SANBR: variants seen among roughly 807,000 people sequenced by gnomAD.
The protein encoded by SANBR is SANT and BTB domain regulator of CSR, also known as SANT and BTB domain regulator of class switch recombination.
SANBR carries 77 observed loss-of-function variants against 101.8 expected under a neutral mutation model. That is an observed-to-expected ratio of 0.76 (90% CI 0.63 to 0.91). The LOEUF (loss-of-function observed/expected upper bound fraction) is 0.91. Among genes scored for constraint, SANBR ranks in the 40% least tolerant of loss-of-function variants. SANBR has a pLI of 0.00. For missense variants in SANBR, 875 were observed against 853.0 expected (o/e 1.03, Z -0.32); for synonymous variants, 279 against 274.7 (o/e 1.02, Z -0.15).
intron 11 of SANBR, 116 bp downstream of exon 11, chr2:61,092,703 T>C (rs1342727078): frequency 4.7e-6 from 4 of 847,820 alleles, no homozygotes; most frequent in Non-Finnish European, 6.7e-6. Flanking sequence ...AACATCTTTT[T>C]AAAGAAACTA....
intron 8 of SANBR, among the ~76,000 whole-genome samples, chr2:61,086,047 A>T (rs916436757): frequency 5.9e-5 from 9 of 152,218 alleles, no homozygotes; most frequent in Non-Finnish European, 1.2e-4. Context: ...TTTTAATAAT[A>T]GTGTGTCTTT....
intron 12 of SANBR, among the ~76,000 whole-genome samples, chr2:61,099,482 A>G (rs2104920443): frequency 6.6e-6 from 1 of 152,322 alleles, no homozygotes; most frequent in East Asian, 1.9e-4. Context: ...GGTGCCATTC[A>G]CTGAAGAGGA....
chr2:61,104,270 C>T (rs13424209), intron 13 of SANBR, among the ~76,000 whole-genome samples: 4,946 of 152,106 alleles, frequency 0.033, 268 homozygotes, highest in African/African-American at 0.11. Flanking sequence ...ATCACGAGGT[C>T]AGGAGATCGA....
intron 11 of SANBR, among the ~76,000 whole-genome samples, chr2:61,096,152 ACTTC>A (rs145046772): frequency 0.014 from 2,059 of 151,856 alleles, 48 homozygotes; most frequent in African/African-American, 0.047. Flanking sequence ...CCCAACACCC[ACTTC>A]CTTCCTTTCT....
intron 6 of SANBR, among the ~76,000 whole-genome samples, chr2:61,078,897 GGC>G (rs1261689316): frequency 6.6e-6 from 1 of 151,826 alleles, no homozygotes; most frequent in African/African-American, 2.4e-5. Context: ...AAATTAGCTG[GGC>G]GTGGTGGCAC....
chr2:61,072,820 A>AATTTTTTTTTT (rs1435131296), intron 4 of SANBR, among the ~76,000 whole-genome samples: 1 of 21,868 alleles, frequency 4.6e-5, no homozygotes, highest in Non-Finnish European at 9.2e-5. Flanking sequence ...CTCTCATGTT[A>AATTTTTTTTTT]CTTTTTTTTT....
At chr2:61,113,827 G>A (rs181522192) in intron 16 of SANBR, among the ~76,000 whole-genome samples, 1 of 152,230 alleles carries the variant, frequency 6.6e-6, no homozygotes, top group African/African-American at 2.4e-5. Flanking sequence ...TTGTCTGATG[G>A]GGAAAACATC....
intron 5 of SANBR, among the ~76,000 whole-genome samples, chr2:61,076,196 T>C (rs1322611616): frequency 2.0e-5 from 3 of 148,084 alleles, no homozygotes; most frequent in Non-Finnish European, 4.5e-5. Context: ...GGTTTCACCA[T>C]GTTAGCCAAG....
chr2:61,083,014 C>T, intron 7 of SANBR, 140 bp from the exon 8 acceptor site: 2 of 651,146 alleles, frequency 3.1e-6, no homozygotes, highest in Non-Finnish European at 5.3e-6. Flanking sequence ...CAGATTAAGT[C>T]AAAAACTGGG....
rs913071021 is a variant in SANBR, at chr2:61,124,087, T to A, written c.*1925T>A. The A allele has an allele frequency of 1.1e-6, 1 of 893,666 alleles. No individual in the cohort carries two copies. The highest frequency in any genetic ancestry group is 1.8e-5 in the African/African-American group (1 of 55,442). The allele number at this position is 893,666 out of a possible 1,614,324, so 55.4% of individuals were successfully genotyped here. ...CCTAGCCTGGGTGACAGAGCAAGACTCCATCTCAATTTAAAACAAAAAAAG... is the reference window on the plus strand; with the variant it reads ...CCTAGCCTGGGTGACAGAGCAAGACACCATCTCAATTTAAAACAAAAAAAG... On this transcript the variant is annotated 3_prime_UTR_variant, in exon 22 of 22. Transcript: ENST00000402291.
intron 20 of SANBR, among the ~76,000 whole-genome samples, chr2:61,131,060 T>C (rs1684675786): frequency 6.6e-6 from 1 of 151,400 alleles, no homozygotes; most frequent in Non-Finnish European, 1.5e-5. Context: ...TTCCTCAACT[T>C]GATAAAGGAC....
chr2:61,077,822 A>G (rs1681875545), intron 6 of SANBR, among the ~76,000 whole-genome samples: 1 of 152,130 alleles, frequency 6.6e-6, no homozygotes. Flanking sequence ...ATTGAAGACC[A>G]TTTTTACTTG....
chr2:61,106,812 A>G (rs1309693274), intron 14 of SANBR, 150 bp downstream of exon 14: 5 of 501,004 alleles, frequency 1.0e-5, no homozygotes, highest in Non-Finnish European at 1.7e-5. Context: ...TCTAAGGGCA[A>G]TAGGACACAT....
At chr2:61,134,391 A>T (rs920603070) in intron 21 of SANBR, 3 of 1,037,218 alleles carry the variant, frequency 2.9e-6, no homozygotes, top group Admixed American at 5.6e-5. Context: ...CCCCACCTAG[A>T]TGGTTGCCTT....
At chr2:61,118,564 T>TG (rs1684190158) in intron 20 of SANBR, among the ~76,000 whole-genome samples, 1 of 140,746 alleles carries the variant, frequency 7.1e-6, no homozygotes, top group African/African-American at 2.8e-5. Context: ...GGTTTTTTGT[T>TG]GGTTTTTTTT....
intron 21 of SANBR, among the ~76,000 whole-genome samples, chr2:61,135,388 T>G (rs1437421868): frequency 6.6e-6 from 1 of 152,230 alleles, no homozygotes; most frequent in Non-Finnish European, 1.5e-5. Flanking sequence ...CTCTTCCCAG[T>G]AAGTGATGGA....
intron 20 of SANBR, among the ~76,000 whole-genome samples, chr2:61,131,459 C>T (rs1321949475): frequency 6.6e-6 from 1 of 151,878 alleles, no homozygotes; most frequent in Non-Finnish European, 1.5e-5. Context: ...AAATTAAAGG[C>T]CTAATGATAA....
rs70959893 is a variant in SANBR at position 61,072,821 on chromosome 2, C to CTTTTTTTTTT, written c.338-617_338-608dup. Among the ~76,000 whole-genome samples, 164 of 31,658 alleles carry CTTTTTTTTTT rather than the reference C, an allele frequency of 5.2e-3. 17 individuals carry two copies. Among genetic ancestry groups the CTTTTTTTTTT allele is most frequent in the East Asian group, 0.018 (10 of 556 alleles). 20.8% of individuals were successfully genotyped at this position (31,658 alleles called of 152,430 possible). ...AGACTCTTGCTTGTCTCTCATGTTA[C>CTTTTTTTTTT]TTTTTTTTTTTTTTTTTTTTTTTTT... is the stretch of plus-strand genomic sequence containing the variant. On this transcript the variant is annotated intron_variant, in intron 4 of 21. Transcript: ENST00000402291.
chr2:61,110,684 A>C (rs1233774743), intron 16 of SANBR, among the ~76,000 whole-genome samples: 2 of 152,016 alleles, frequency 1.3e-5, no homozygotes, highest in Non-Finnish European at 2.9e-5. Context: ...GTCTCAAAAA[A>C]AAAAAATACA....
Sources: allele counts gnomAD v4.1 joint callset (sites outside exome capture counted in the v4.1 genomes callset), GRCh38; gene constraint gnomAD v4.1.1; transcripts MANE v1.5; gene names NCBI Gene and HGNC (gene_info 2026-07-23, HGNC 2026-07-21).